FBLN2: variants seen among roughly 807,000 people sequenced by gnomAD.
The protein encoded by FBLN2 is fibulin-2.
A neutral mutation model predicts 123.7 loss-of-function variants in FBLN2; 81 were observed. The observed-to-expected ratio is 0.65, with a 90% CI of 0.55 to 0.79. The LOEUF (loss-of-function observed/expected upper bound fraction) is 0.79. Among genes scored for constraint, FBLN2 ranks in the 30% least tolerant of loss-of-function variants. FBLN2 has a pLI of 0.00. For synonymous variants in FBLN2, 699 were observed against 701.4 expected, an observed-to-expected ratio of 1.00 and a Z score of 0.05; for missense variants, 1,603 against 1,681.3, an observed-to-expected ratio of 0.95 and a Z score of 0.81.
rs191798291 is a variant in FBLN2 at position 13,634,059 on chromosome 3, C to T, written c.3215-2386C>T. ...TAAGAGCCCATCTCTGCATGCCACT[C>T]GATGGGGCAGGCCAGCTTTGAGCAG... On this transcript the variant is annotated intron_variant, in intron 16 of 17. Coordinates refer to ENST00000404922, the MANE Select transcript of FBLN2 (RefSeq NM_001004019.2). 9.2e-5 allele frequency among the ~76,000 whole-genome samples: 14 copies of T among 151,612 alleles called. No individual in the cohort carries two copies. The East Asian group carries it at 2.2e-3, about 23-fold the overall frequency.
At position 13,636,544 on chromosome 3, in the gene FBLN2, C is replaced by T. The variant is rs373718966; in HGVS notation, c.3314C>T (p.Pro1105Leu). Residue 1105 changes from proline (P) to leucine (L), a missense_variant, in exon 17 of 18, where the codon CCC becomes CTC. Physicochemically the swap from Pro to Leu is moderately conservative, Grantham distance 98. Coordinates refer to ENST00000404922, the MANE Select transcript of FBLN2 (RefSeq NM_001004019.2). ...CGCTGCCTGCGCTTCGAGTGTCCTC[C>T]CAACTATGTCCAAGTCTCCAAAACG... The part of the protein sequence containing the change: ...SFRCLRFECP[P>L]NYVQVSKTKC... 1 of 1,613,534 alleles carries T rather than the reference C, an allele frequency of 6.2e-7. No homozygotes were observed. The highest frequency in any genetic ancestry group is 8.5e-7 in the Non-Finnish European group (1 of 1,179,708).
intron 1 of FBLN2, among the ~76,000 whole-genome samples, chr3:13,549,638 G>A (rs1335007313): frequency 7.1e-6 from 1 of 140,616 alleles, no homozygotes; most frequent in Non-Finnish European, 1.5e-5. Context: ...AACCCCCTCG[G>A]GGAAAGAAGA....
intron 16 of FBLN2, among the ~76,000 whole-genome samples, chr3:13,633,493 T>C (rs888378674): frequency 3.9e-5 from 6 of 152,246 alleles, no homozygotes; most frequent in Non-Finnish European, 1.5e-5. Context: ...AAGGGCACAG[T>C]GGGGGCTGCC....
At chr3:13,581,830 A>G (rs1010963163) in intron 2 of FBLN2, among the ~76,000 whole-genome samples, 2 of 152,050 alleles carry the variant, frequency 1.3e-5, no homozygotes, top group African/African-American at 2.4e-5. Context: ...CGTGGTGTCA[A>G]CCTGTGCCTG....
Position 13,571,035 on chromosome 3 carries a change from GC to G in FBLN2, c.686del (p.Pro229GlnfsTer45). 1.3e-6 allele frequency: 2 copies of G among 1,572,532 alleles called. No homozygotes were observed. The highest frequency in any genetic ancestry group is 8.6e-7 in the Non-Finnish European group (1 of 1,159,872). On this transcript the variant is annotated frameshift_variant, in exon 2 of 18. Transcript: ENST00000404922. LOFTEE classifies it high-confidence loss of function. The part of the protein sequence containing the change: ...QAGAVQAGAG[G>X]PPAALGGGSQ... ...GGTGCAGTCCAGGCAGGCGCAGGGG[GC>G]CCCCCAGCTGCTCTGGGAGGTGGGA... is the stretch of plus-strand genomic sequence containing the variant.
At chr3:13,619,394 T>C (rs1705764049) in intron 7 of FBLN2, among the ~76,000 whole-genome samples, 1 of 152,210 alleles carries the variant, frequency 6.6e-6, no homozygotes, top group Admixed American at 6.5e-5. Context: ...CTTCCCCTGC[T>C]TTTTTCCCTG....
chr3:13,569,087 C>A, intron 1 of FBLN2: 1 of 983,390 alleles, frequency 1.0e-6, no homozygotes, highest in Non-Finnish European at 1.2e-6. Context: ...TCAGGTACGG[C>A]CACTGGGTCA....
At chr3:13,569,933 C>T (rs1201736555) in intron 1 of FBLN2, among the ~76,000 whole-genome samples, 1 of 152,014 alleles carries the variant, frequency 6.6e-6, no homozygotes, top group East Asian at 1.9e-4. Context: ...GGCATATTGC[C>T]TGACGTGCCC....
intron 8 of FBLN2, 123 bp downstream of exon 8, chr3:13,619,954 T>A: frequency 1.5e-6 from 1 of 670,688 alleles, no homozygotes; most frequent in Non-Finnish European, 2.5e-6. Flanking sequence ...TCTTGGCTGC[T>A]ATGATGAGCA....
intron 2 of FBLN2, among the ~76,000 whole-genome samples, chr3:13,574,223 C>T (rs73148628): frequency 0.11 from 16,046 of 152,214 alleles, 2,583 homozygotes; most frequent in African/African-American, 0.34. Context: ...GCAGAACCTG[C>T]GTGTGTGAGG....
At chr3:13,578,454 A>G (rs78894283) in intron 2 of FBLN2, among the ~76,000 whole-genome samples, 2,166 of 152,210 alleles carry the variant, frequency 0.014, 49 homozygotes, top group African/African-American at 0.049. Flanking sequence ...ATCATGCACT[A>G]TGTGGTTTCT....
intron 1 of FBLN2, among the ~76,000 whole-genome samples, chr3:13,555,411 C>T (rs963517697): frequency 2.0e-5 from 3 of 151,768 alleles, no homozygotes; most frequent in Non-Finnish European, 2.9e-5. Flanking sequence ...GCCTTGAGCC[C>T]GAGTGAGTGT....
At chr3:13,626,325 T>G in intron 9 of FBLN2, 120 bp from the exon 10 acceptor site, 14 of 1,029,592 alleles carry the variant, frequency 1.4e-5, no homozygotes, top group Non-Finnish European at 1.9e-5. Context: ...CTCCGAATGG[T>G]GAGCTCCCTG....
At position 13,637,580 on chromosome 3, in the gene FBLN2, G is replaced by C; in HGVS notation, c.3357G>C (p.Thr1119=). The change falls in exon 18 of 18, where the codon ACG becomes ACC. Residue 1119 remains threonine (T), a synonymous_variant. Coordinates refer to ENST00000404922, the MANE Select transcript of FBLN2 (RefSeq NM_001004019.2). Reference sequence around the variant, plus strand: ...CCTGCAGGAAGTGCGAGCGCACCACGTGCCATGACTTCCTGGAGTGCCAGA... The same window carrying C: ...CCTGCAGGAAGTGCGAGCGCACCACCTGCCATGACTTCCTGGAGTGCCAGA... ...QVSKTKCERT[T]CHDFLECQNS... 6.2e-7 allele frequency: 1 copy of C among 1,609,272 alleles called. No individual in the cohort carries two copies. The highest frequency in any genetic ancestry group is 8.5e-7 in the Non-Finnish European group (1 of 1,176,584).
At chr3:13,600,349 C>G (rs1389140884) in intron 2 of FBLN2, among the ~76,000 whole-genome samples, 2 of 152,008 alleles carry the variant, frequency 1.3e-5, no homozygotes, top group Admixed American at 6.6e-5. Context: ...GGTCACAGCT[C>G]CTGAGCTTTG....
At chr3:13,636,394 G>T (rs555308167) in intron 16 of FBLN2, 51 bp from the exon 17 acceptor site, 89 of 1,601,498 alleles carry the variant, frequency 5.6e-5, no homozygotes, top group Non-Finnish European at 7.5e-5. Context: ...GGAGTTTCAG[G>T]CTGGGTCCCC....
chr3:13,573,412 C>T (rs1316037425), intron 2 of FBLN2, among the ~76,000 whole-genome samples: 2 of 152,066 alleles, frequency 1.3e-5, no homozygotes, highest in East Asian at 3.9e-4. Context: ...GGAGTCAGAT[C>T]CCCTGAGTGA....
intron 8 of FBLN2, among the ~76,000 whole-genome samples, chr3:13,621,503 G>A (rs1044866781): frequency 9.9e-5 from 15 of 152,224 alleles, no homozygotes; most frequent in Admixed American, 4.6e-4. Flanking sequence ...GAGTGCGTAC[G>A]GGAGGCAGCC....
intron 1 of FBLN2, among the ~76,000 whole-genome samples, chr3:13,561,155 C>G (rs1432667668): frequency 6.6e-6 from 1 of 152,092 alleles, no homozygotes; most frequent in Non-Finnish European, 1.5e-5. Context: ...GTTCTGGTTC[C>G]TACATTTGCA....
Sources: allele counts gnomAD v4.1 joint callset (sites outside exome capture counted in the v4.1 genomes callset), GRCh38; gene constraint gnomAD v4.1.1; transcripts MANE v1.5; gene names NCBI Gene and HGNC (gene_info 2026-07-23, HGNC 2026-07-21).